Variants in N4BP1 observed in about 807,000 individuals in gnomAD.
N4BP1 encodes NEDD4 binding protein 1.
Under a neutral mutation model 70.9 loss-of-function variants are expected in N4BP1, and 21 were observed. The observed-to-expected ratio is 0.30, with a 90% CI of 0.21 to 0.43. N4BP1 has a LOEUF of 0.43. Ranked by LOEUF, N4BP1 falls within the 20% of genes least tolerant of loss-of-function variation. N4BP1 has a pLI of 1.00. For synonymous variants in N4BP1, 387 were observed against 394.6 expected (o/e 0.98, Z 0.23); for missense variants, 936 against 1,069.4 (o/e 0.88, Z 1.74).
intron 1 of N4BP1, among the ~76,000 whole-genome samples, chr16:48,571,441 G>A (rs1184132622): frequency 6.6e-6 from 1 of 152,138 alleles, no homozygotes; most frequent in Non-Finnish European, 1.5e-5. Flanking sequence ...AACATCAAAA[G>A]CACCCACGCT....
rs1487972573 is a variant in N4BP1 at position 48,540,848 on chromosome 16, GTTT to G, written c.*2053_*2055del. 1 of 152,184 alleles carries G rather than the reference GTTT, an allele frequency of 6.6e-6. No homozygotes were observed. The highest frequency in any genetic ancestry group is 1.5e-5 in the Non-Finnish European group (1 of 68,046). 9.4% of individuals were successfully genotyped at this position (152,184 alleles called of 1,614,324 possible). On this transcript the variant is annotated 3_prime_UTR_variant, in exon 7 of 7. Coordinates refer to ENST00000262384, the MANE Select transcript of N4BP1 (RefSeq NM_153029.4). ...AGTTCTTAATGGTTTGATAATTTGG[GTTT>G]TTAAATATTAAATATTAAATATCAG...
chr16:48,561,465 T>G lies in N4BP1; in HGVS notation c.1178A>C (p.Glu393Ala). The stretch of plus-strand genomic sequence containing the variant: ...TGTACCAGCTGAAAATTCTCTGTCT[T>G]CTTGGAATCTTTTATTTTCTTTTTC... Reference protein sequence around the residue: ...EIEKENKRFQEDREFSAGTVY... With the variant: ...EIEKENKRFQADREFSAGTVY... Residue 393 changes from glutamate (E) to alanine (A), a missense_variant, in exon 2 of 7, where the codon GAA becomes GCA. Physicochemically the swap from Glu to Ala is moderately radical, Grantham distance 107. Transcript: ENST00000262384. 1.9e-6 allele frequency: 3 copies of G among 1,611,750 alleles called. No homozygotes were observed. The highest frequency in any genetic ancestry group is 2.5e-6 in the Non-Finnish European group (3 of 1,179,374).
At chr16:48,568,095 C>T (rs1963968008) in intron 1 of N4BP1, among the ~76,000 whole-genome samples, 1 of 152,236 alleles carries the variant, frequency 6.6e-6, no homozygotes, top group South Asian at 2.1e-4. Context: ...AATAAAGTCT[C>T]TGGCTTAGGC....
intron 2 of N4BP1, among the ~76,000 whole-genome samples, chr16:48,554,029 C>T (rs1445821220): frequency 6.6e-6 from 1 of 152,168 alleles, no homozygotes; most frequent in African/African-American, 2.4e-5. Context: ...TGTCCTGTCC[C>T]AGGAGGGCTC....
rs541963832 is a variant in N4BP1, at chr16:48,598,391, T to C, written c.198+11384A>G. ...GCAGGGAGGAGAGTCAAAGGACTCCTTCCAGGAAAATTTTTAAGGGATCAT... is the reference window on the plus strand; with the variant it reads ...GCAGGGAGGAGAGTCAAAGGACTCCCTCCAGGAAAATTTTTAAGGGATCAT... On this transcript the variant is annotated intron_variant, in intron 1 of 6. Transcript: ENST00000262384. Among the ~76,000 whole-genome samples the C allele has an allele frequency of 2.6e-5, 4 of 152,236 alleles. No homozygotes were observed. In the East Asian group the frequency reaches 7.7e-4, roughly 29 times the overall value.
intron 1 of N4BP1, among the ~76,000 whole-genome samples, chr16:48,581,165 T>C (rs1964170005): frequency 1.3e-5 from 2 of 151,384 alleles, no homozygotes; most frequent in Admixed American, 6.6e-5. Flanking sequence ...TACATTACAT[T>C]AACAGAATGA....
At chr16:48,571,228 T>C (rs374474045) in intron 1 of N4BP1, among the ~76,000 whole-genome samples, 5 of 152,296 alleles carry the variant, frequency 3.3e-5, no homozygotes, top group African/African-American at 1.2e-4. Flanking sequence ...GACACTTGGA[T>C]AAGGAAAAGT....
chr16:48,579,537 G>T (rs550519806), intron 1 of N4BP1, among the ~76,000 whole-genome samples: 1 of 152,296 alleles, frequency 6.6e-6, no homozygotes, highest in Admixed American at 6.5e-5. Flanking sequence ...GTCCAGTAGA[G>T]ATGCCAACTA....
intron 6 of N4BP1, among the ~76,000 whole-genome samples, chr16:48,545,593 A>G (rs1963578973): frequency 6.6e-6 from 1 of 151,856 alleles, no homozygotes; most frequent in African/African-American, 2.4e-5. Context: ...AAAATAAATC[A>G]ATAAAAATAA....
At chr16:48,574,789 G>C (rs1964068345) in intron 1 of N4BP1, among the ~76,000 whole-genome samples, 1 of 152,156 alleles carries the variant, frequency 6.6e-6, no homozygotes, top group Non-Finnish European at 1.5e-5. Context: ...GTGATATTCA[G>C]GGGAATATGT....
rs1963847210 is a variant in N4BP1 at position 48,561,011 on chromosome 16, T to C, written c.1632A>G (p.Lys544=). ...GAGGAGAACTACAACATCCTAAACG[T>C]TTTTCACAGGCAGATTTCATATTAT... The part of the protein sequence containing the change: ...LPNNMKSACE[K]RLGCCSSPHS... Residue 544 remains lysine, a synonymous_variant, in exon 2 of 7, where the codon AAA becomes AAG. Coordinates refer to ENST00000262384, the MANE Select transcript of N4BP1 (RefSeq NM_153029.4). 1 of 1,613,936 alleles carries C rather than the reference T, an allele frequency of 6.2e-7. No homozygotes were observed. Among genetic ancestry groups the C allele is most frequent in the Non-Finnish European group, 8.5e-7 (1 of 1,179,872 alleles).
intron 1 of N4BP1, among the ~76,000 whole-genome samples, chr16:48,564,101 T>G (rs1963902687): frequency 6.6e-6 from 1 of 152,210 alleles, no homozygotes; most frequent in Admixed American, 6.5e-5. Context: ...TGTTGAGTTT[T>G]GAGAGCTCTT....
In N4BP1 at chr16:48,561,199, TGTA is replaced by T. The variant is rs747158319; in HGVS notation, c.1441_1443del (p.Tyr481del). 3.1e-6 allele frequency: 5 copies of T among 1,614,024 alleles called. No individual in the cohort carries two copies. Among genetic ancestry groups the T allele is most frequent in the Non-Finnish European group, 4.2e-6 (5 of 1,179,888 alleles). On this transcript the variant is annotated inframe_deletion, in exon 2 of 7. Transcript: ENST00000262384. ...TCAGTTTCAGGGTCTGTGTTACAAA[TGTA>T]GTTCTGGTTTGAACCCCAGACTTCA...
At chr16:48,551,247 C>G (rs1002070323) in intron 4 of N4BP1, 139 bp downstream of exon 4, 3 of 565,482 alleles carry the variant, frequency 5.3e-6, no homozygotes, top group Admixed American at 2.9e-5. Context: ...TATCACTGAG[C>G]ATATCACCTT....
intron 1 of N4BP1, chr16:48,600,145 G>T: frequency 2.2e-6 from 1 of 462,844 alleles, no homozygotes; most frequent in South Asian, 2.7e-5. Context: ...GGTTGGTGGT[G>T]ACCCATGCAG....
Position 48,609,925 on chromosome 16 carries a change from C to G in N4BP1, c.48G>C (p.Lys16Asn). Residue 16 changes from lysine (K) to asparagine (N), a missense_variant, in exon 1 of 7, where the codon AAG (lysine) becomes AAC (asparagine). Transcript: ENST00000262384. ...VLDEFTAPAE[K>N]AELLEQSRGR... is the part of the protein sequence containing the mutation. ...CGCGGCTCTGCTCCAGCAGCTCCGC[C>G]TTCTCAGCTGGCGCAGTGAACTCGT... The G allele has an allele frequency of 7.0e-7, 1 of 1,432,014 alleles. No individual in the cohort carries two copies. The highest frequency in any genetic ancestry group is 9.2e-7 in the Non-Finnish European group (1 of 1,088,260). The allele number at this position is 1,432,014 out of a possible 1,614,324, so 88.7% of individuals were successfully genotyped here.
intron 4 of N4BP1, among the ~76,000 whole-genome samples, chr16:48,550,832 C>T (rs933680377): frequency 4.0e-5 from 6 of 151,786 alleles, no homozygotes; most frequent in African/African-American, 1.5e-4. Context: ...GCAGGAGAAT[C>T]GCTTGAACCC....
rs542740884 is a variant in N4BP1 at position 48,539,261 on chromosome 16, G to A, written c.*3643C>T. On this transcript the variant is annotated 3_prime_UTR_variant, in exon 7 of 7. Coordinates refer to ENST00000262384, the MANE Select transcript of N4BP1 (RefSeq NM_153029.4). ...TCTGGCCACACTGCAGCATCTGGACGGCAGAGGGCAGCGCTGGGAGGGGCC... is the reference window on the plus strand; with the variant it reads ...TCTGGCCACACTGCAGCATCTGGACAGCAGAGGGCAGCGCTGGGAGGGGCC... The A allele has an allele frequency of 2.0e-5, 3 of 152,554 alleles. No homozygotes were observed. Among genetic ancestry groups the A allele is most frequent in the African/African-American group, 4.8e-5 (2 of 41,570 alleles). 9.5% of individuals were successfully genotyped at this position (152,554 alleles called of 1,614,324 possible).
Position 48,539,745 on chromosome 16 carries a change from C to T in N4BP1, c.*3159G>A, listed in dbSNP as rs1401465860. ...CAAAGGTGGGGAAAAGTCTGCAAGC[C>T]ACCTGCAGAGGAAGAATAGGGTGTT... On this transcript the variant is annotated 3_prime_UTR_variant, in exon 7 of 7. Coordinates refer to ENST00000262384, the MANE Select transcript of N4BP1 (RefSeq NM_153029.4). 2 of 152,362 alleles carry T rather than the reference C, an allele frequency of 1.3e-5. No homozygotes were observed. Among genetic ancestry groups the T allele is most frequent in the Non-Finnish European group, 2.9e-5 (2 of 68,144 alleles). The allele number at this position is 152,362 out of a possible 1,614,324, so 9.4% of individuals were successfully genotyped here. A position where few individuals can be genotyped will look rare whatever the true frequency, so the allele number is the denominator to read the frequency against.
Sources: allele counts gnomAD v4.1 joint callset (sites outside exome capture counted in the v4.1 genomes callset), GRCh38; gene constraint gnomAD v4.1.1; transcripts MANE v1.5; gene names NCBI Gene and HGNC (gene_info 2026-07-23, HGNC 2026-07-21).